SYCP1: variants seen among roughly 807,000 people sequenced by gnomAD.
SYCP1 encodes synaptonemal complex protein 1, also known as cancer/testis antigen 8.
SYCP1 carries 64 observed loss-of-function variants against 153.1 expected under a neutral mutation model. That is an observed-to-expected ratio of 0.42 (90% CI 0.34 to 0.51). The LOEUF is 0.51. Ranked by LOEUF, SYCP1 falls within the 20% of genes least tolerant of loss-of-function variation. SYCP1 has a pLI of 0.06. For missense variants in SYCP1, 997 were observed against 1,049.0 expected (o/e 0.95, Z 0.68); for synonymous variants, 384 against 341.8 (o/e 1.12, Z -1.36).
At chr1:114,873,728 C>T (rs1415824005) in intron 8 of SYCP1, among the ~76,000 whole-genome samples, 2 of 152,152 alleles carry the variant, frequency 1.3e-5, no homozygotes, top group African/African-American at 4.8e-5. Flanking sequence ...AATCTGGGGC[C>T]TCTCTGATGA....
In SYCP1 at chr1:114,935,943, A is replaced by G. The variant is rs186725281; in HGVS notation, c.1927-8396A>G. On this transcript the variant is annotated intron_variant, in intron 23 of 31. Transcript: ENST00000369522. ...CCAACCAAAATAAGTCCAGGACCAG[A>G]CGGAGTCACAGCCGAATTCTACCAG... Among the ~76,000 whole-genome samples the G allele has an allele frequency of 1.0e-3, 158 of 152,334 alleles. 2 individuals are homozygous for G. The highest frequency in any genetic ancestry group is 3.7e-3 in the African/African-American group (153 of 41,568).
chr1:114,870,342 T>C (rs1414396917), intron 8 of SYCP1, among the ~76,000 whole-genome samples: 2 of 152,202 alleles, frequency 1.3e-5, no homozygotes, highest in African/African-American at 4.8e-5. Context: ...GCCCTCTTTA[T>C]ATCTGACAAC....
intron 27 of SYCP1, among the ~76,000 whole-genome samples, chr1:114,958,123 CTT>C (rs1371488312): frequency 2.0e-5 from 3 of 152,144 alleles, no homozygotes; most frequent in East Asian, 1.9e-4. Context: ...AAGAAGGAAA[CTT>C]TGTCATTTGC....
intron 9 of SYCP1, among the ~76,000 whole-genome samples, chr1:114,875,500 C>A (rs190078933): frequency 6.6e-6 from 1 of 152,122 alleles, no homozygotes; most frequent in Non-Finnish European, 1.5e-5. Context: ...ATCTCGTGAT[C>A]CGCCCGCCTC....
At chr1:114,982,798 A>AT (rs1448694715) in intron 29 of SYCP1, among the ~76,000 whole-genome samples, 11 of 151,764 alleles carry the variant, frequency 7.2e-5, no homozygotes, top group Non-Finnish European at 1.5e-4. Context: ...CATGTCTCAT[A>AT]TTTTTTGTTT....
At chr1:114,916,912 C>A (rs1668542335) in intron 20 of SYCP1, among the ~76,000 whole-genome samples, 1 of 151,866 alleles carries the variant, frequency 6.6e-6, no homozygotes, top group East Asian at 1.9e-4. Flanking sequence ...GTATATAAGA[C>A]ATTTTGATAC....
At chr1:114,932,708 C>A (rs1386560094) in intron 23 of SYCP1, among the ~76,000 whole-genome samples, 1 of 152,218 alleles carries the variant, frequency 6.6e-6, no homozygotes, top group Non-Finnish European at 1.5e-5. Flanking sequence ...CACCCTAATA[C>A]TGCACTTTTC....
chr1:114,927,137 A>G, intron 23 of SYCP1, among the ~76,000 whole-genome samples: 1 of 152,170 alleles, frequency 6.6e-6, no homozygotes, highest in South Asian at 2.1e-4. Context: ...TTTGGAAGGA[A>G]ACATAAAAAT....
In SYCP1 at chr1:114,881,793, C is replaced by T. The variant is rs758419195; in HGVS notation, c.910+3591C>T. Among the ~76,000 whole-genome samples the T allele has an allele frequency of 1.2e-4, 18 of 152,304 alleles. 1 individual carries two copies. Among genetic ancestry groups the T allele is most frequent in the Middle Eastern group, 6.8e-3 (2 of 294 alleles). ...CTGGGATTACAGATGTGAACCACCA[C>T]GCCTGGCTTACTTTGTTGATTTTAA... On this transcript the variant is annotated intron_variant, in intron 12 of 31. Transcript: ENST00000369522.
intron 28 of SYCP1, among the ~76,000 whole-genome samples, chr1:114,980,603 T>A (rs538245111): frequency 2.6e-5 from 4 of 152,028 alleles, no homozygotes; most frequent in African/African-American, 9.6e-5. Context: ...AGTATCAATG[T>A]ATGAAAGAGA....
At chr1:114,992,674 A>C (rs867571601) in intron 30 of SYCP1, among the ~76,000 whole-genome samples, 1 of 151,702 alleles carries the variant, frequency 6.6e-6, no homozygotes, top group Non-Finnish European at 1.5e-5. Context: ...AGCTAAAACT[A>C]TAAAACTATA....
chr1:114,873,278 G>C (rs1665281752), intron 8 of SYCP1, among the ~76,000 whole-genome samples: 2 of 152,188 alleles, frequency 1.3e-5, no homozygotes, highest in African/African-American at 2.4e-5. Flanking sequence ...TGCTGGTAAA[G>C]TATAGGGGGA....
intron 15 of SYCP1, among the ~76,000 whole-genome samples, chr1:114,894,945 T>C (rs529278493): frequency 6.6e-6 from 1 of 152,244 alleles, no homozygotes; most frequent in Admixed American, 6.5e-5. Flanking sequence ...TCAAATAGAA[T>C]GTTTAGACGA....
In SYCP1 at chr1:114,913,990, G is replaced by C. The variant is rs1357671541; in HGVS notation, c.1663G>C (p.Glu555Gln). The C allele has an allele frequency of 6.4e-7, 1 of 1,566,298 alleles. No individual in the cohort carries two copies. Among genetic ancestry groups the C allele is most frequent in the East Asian group, 2.3e-5 (1 of 42,892 alleles). ...ATTTCTTTAGAATAACAAAAAGCAA[G>C]AAGAAAGGATGTTGAAACAAATAGA... ...QEDINNNKKQ[E>Q]ERMLKQIENL... Residue 555 changes from glutamate (E) to glutamine (Q), a missense_variant, in exon 20 of 32, where the codon GAA becomes CAA. This residue lies in a region of SYCP1 where 712 missense variants were observed against 682.9 expected (regional missense o/e 1.04). Transcript: ENST00000369522.
chr1:114,878,763 G>A (rs767587612), intron 12 of SYCP1, among the ~76,000 whole-genome samples: 13 of 152,118 alleles, frequency 8.5e-5, no homozygotes, highest in Non-Finnish European at 1.6e-4. Flanking sequence ...GGCTGATTTC[G>A]AACTCCTGAC....
At chr1:114,970,065 C>G (rs891364437) in intron 27 of SYCP1, among the ~76,000 whole-genome samples, 4 of 152,182 alleles carry the variant, frequency 2.6e-5, no homozygotes, top group African/African-American at 9.7e-5. Flanking sequence ...TCACTGGGAG[C>G]TGCAGACCAG....
chr1:114,967,638 G>A (rs1672217010), intron 27 of SYCP1, among the ~76,000 whole-genome samples: 1 of 152,122 alleles, frequency 6.6e-6, no homozygotes, highest in Non-Finnish European at 1.5e-5. Context: ...TTCATCCACT[G>A]TGCCAGTCTG....
intron 15 of SYCP1, among the ~76,000 whole-genome samples, chr1:114,889,097 G>A (rs1666515275): frequency 6.6e-6 from 1 of 152,106 alleles, no homozygotes. Flanking sequence ...TCTTTATCCA[G>A]TCTATCATTG....
At chr1:114,918,474 G>T (rs1185722130) in intron 20 of SYCP1, among the ~76,000 whole-genome samples, 1 of 151,814 alleles carries the variant, frequency 6.6e-6, no homozygotes, top group Non-Finnish European at 1.5e-5. Flanking sequence ...GCTATTCTGG[G>T]TCTTTTGTGG....
Sources: allele counts gnomAD v4.1 joint callset (sites outside exome capture counted in the v4.1 genomes callset), GRCh38; gene constraint gnomAD v4.1.1; regional missense constraint gnomAD v4.1.1; transcripts MANE v1.5; gene names NCBI Gene and HGNC (gene_info 2026-07-23, HGNC 2026-07-21).